SLC9C1: variants seen among roughly 807,000 people sequenced by gnomAD.
The protein encoded by SLC9C1 is solute carrier family 9 member C1.
A neutral mutation model predicts 140.9 loss-of-function variants in SLC9C1; 97 were observed. The ratio of observed to expected loss-of-function variants is 0.69; its 90% CI spans 0.58 to 0.82. The LOEUF (loss-of-function observed/expected upper bound fraction) is 0.82, where lower values mean the gene tolerates loss of function less well. Ranked by LOEUF, SLC9C1 falls within the 40% of genes least tolerant of loss-of-function variation. The pLI is 0.00. For missense variants in SLC9C1, 1,340 were observed against 1,389.3 expected (o/e 0.96, Z 0.56); for synonymous variants, 440 against 442.6 (o/e 0.99, Z 0.07).
intron 23 of SLC9C1, among the ~76,000 whole-genome samples, chr3:112,178,939 A>C (rs975490559): frequency 3.9e-5 from 6 of 152,210 alleles, no homozygotes; most frequent in Non-Finnish European, 7.4e-5. Flanking sequence ...ATAAATGTTT[A>C]CTTCTTTCTC....
intron 23 of SLC9C1, among the ~76,000 whole-genome samples, chr3:112,172,635 C>T (rs1218514910): frequency 1.3e-5 from 2 of 151,872 alleles, no homozygotes; most frequent in Non-Finnish European, 2.9e-5. Context: ...TCAGTCTTAC[C>T]GTCTTAGTTT....
At chr3:112,269,132 TAG>T (rs1227700599) in intron 7 of SLC9C1, among the ~76,000 whole-genome samples, 1 of 152,210 alleles carries the variant, frequency 6.6e-6, no homozygotes, top group Non-Finnish European at 1.5e-5. Context: ...GCCTTTTTGT[TAG>T]AGAGACGGCT....
intron 10 of SLC9C1, 27 bp from the exon 11 acceptor site, chr3:112,244,103 G>T: frequency 2.1e-6 from 3 of 1,430,926 alleles, no homozygotes; most frequent in Non-Finnish European, 1.9e-6. Context: ...TACAAAGTAA[G>T]TATTCATGAC....
At chr3:112,199,195 A>T in intron 20 of SLC9C1, 126 bp downstream of exon 20, 1 of 778,904 alleles carries the variant, frequency 1.3e-6, no homozygotes, top group Non-Finnish European at 1.8e-6. Context: ...TGTCTTCAGA[A>T]AATTATTTTA....
intron 11 of SLC9C1, 26 bp from the exon 12 acceptor site, chr3:112,240,032 A>C: frequency 6.3e-7 from 1 of 1,578,436 alleles, no homozygotes; most frequent in Non-Finnish European, 8.6e-7. Context: ...ACATTTGATA[A>C]ATAGTAGAAA....
At chr3:112,224,605 A>G (rs1424331058) in intron 13 of SLC9C1, among the ~76,000 whole-genome samples, 1 of 63,278 alleles carries the variant, frequency 1.6e-5, no homozygotes, top group Non-Finnish European at 3.5e-5. Context: ...GATATTATAA[A>G]AAAATAACTG....
chr3:112,249,395 A>G lies in SLC9C1; in HGVS notation c.1198-5319T>C, dbSNP rs143279446. Reference sequence around the variant, plus strand: ...TTTTGCATCTATATTCTTCAAGGATATTGGCCCGAAGTTTTATTTTTCTGT... The same window carrying G: ...TTTTGCATCTATATTCTTCAAGGATGTTGGCCCGAAGTTTTATTTTTCTGT... On this transcript the variant is annotated intron_variant, in intron 10 of 28. Transcript: ENST00000305815. Among the ~76,000 whole-genome samples, 39 of 151,442 alleles carry G rather than the reference A, an allele frequency of 2.6e-4. No individual in the cohort carries two copies. In the East Asian group the frequency reaches 7.0e-3, roughly 27 times the overall value.
At chr3:112,244,250 T>A (rs1024720076) in intron 10 of SLC9C1, among the ~76,000 whole-genome samples, 174 bp from the exon 11 acceptor site, 4 of 152,190 alleles carry the variant, frequency 2.6e-5, no homozygotes, top group African/African-American at 9.6e-5. Flanking sequence ...CTCTGGGTAT[T>A]CTCTATCTTC....
chr3:112,194,481 G>A (rs924812622), intron 20 of SLC9C1, among the ~76,000 whole-genome samples: 1 of 152,114 alleles, frequency 6.6e-6, no homozygotes, highest in South Asian at 2.1e-4. Flanking sequence ...TTTCTTTTCA[G>A]GGGTGAAGGA....
intron 20 of SLC9C1, among the ~76,000 whole-genome samples, chr3:112,186,482 A>G (rs775221946): frequency 2.0e-5 from 3 of 152,222 alleles, no homozygotes; most frequent in Non-Finnish European, 4.4e-5. Context: ...AAGTGAAGAT[A>G]TATCATGTGA....
intron 20 of SLC9C1, among the ~76,000 whole-genome samples, chr3:112,193,019 C>T (rs1236440609): frequency 3.3e-5 from 5 of 151,562 alleles, no homozygotes; most frequent in African/African-American, 4.8e-5. Flanking sequence ...CTTGGGGTGT[C>T]GGTTGGGTAG....
chr3:112,204,170 G>A, intron 17 of SLC9C1, 48 bp downstream of exon 17: 1 of 1,389,154 alleles, frequency 7.2e-7, no homozygotes, highest in Non-Finnish European at 9.4e-7. Flanking sequence ...TATGTTTTAT[G>A]AAACAATCAG....
At chr3:112,169,829 T>G (rs1274336370) in intron 23 of SLC9C1, among the ~76,000 whole-genome samples, 1 of 152,200 alleles carries the variant, frequency 6.6e-6, no homozygotes, top group Non-Finnish European at 1.5e-5. Context: ...GTGTGGTCAC[T>G]TCAACAGTAC....
chr3:112,284,157 C>T (rs1031325832), intron 2 of SLC9C1, among the ~76,000 whole-genome samples: 1 of 152,164 alleles, frequency 6.6e-6, no homozygotes, highest in Admixed American at 6.6e-5. Context: ...GAGACCCAGA[C>T]CTGCATGAAA....
At chr3:112,243,944 C>CAT in intron 11 of SLC9C1, 51 bp downstream of exon 11, 1 of 1,246,674 alleles carries the variant, frequency 8.0e-7, no homozygotes, top group Non-Finnish European at 1.1e-6. Flanking sequence ...ACTTCTTTAC[C>CAT]ATACTTAGAA....
Position 112,286,816 on chromosome 3 carries a change from T to C in SLC9C1, c.-25A>G. ...TGTTTCAGAAAAATTTTTATGCAGA[T>C]TTATGTTAGAAGCAATCTCCATATG... On this transcript the variant is annotated 5_prime_UTR_variant, in exon 2 of 29. Transcript: ENST00000305815. The C allele has an allele frequency of 6.4e-7, 1 of 1,552,344 alleles. No individual in the cohort carries two copies. Among genetic ancestry groups the C allele is most frequent in the Non-Finnish European group, 8.9e-7 (1 of 1,127,580 alleles).
intron 12 of SLC9C1, among the ~76,000 whole-genome samples, chr3:112,233,354 AC>A (rs2078886898): frequency 6.6e-6 from 1 of 152,182 alleles, no homozygotes; most frequent in Admixed American, 6.5e-5. Flanking sequence ...GGCATGAGCC[AC>A]TGTGCTGACC....
At chr3:112,151,768 C>T in intron 28 of SLC9C1, 89 bp downstream of exon 28, 1 of 913,654 alleles carries the variant, frequency 1.1e-6, no homozygotes, top group Non-Finnish European at 1.8e-6. Context: ...TTCACACTAT[C>T]ACATAAAGGG....
chr3:112,199,240 T>C (rs750308651), intron 20 of SLC9C1, 81 bp downstream of exon 20: 14 of 1,164,740 alleles, frequency 1.2e-5, no homozygotes, highest in Middle Eastern at 2.5e-4. Context: ...TGGCCTGTAT[T>C]AGAAGTCAAA....
Sources: gnomAD v4.1 joint callset for allele counts (sites outside exome capture counted in the v4.1 genomes callset) on GRCh38, gnomAD v4.1.1 for gene constraint, MANE v1.5 for transcripts, NCBI Gene and HGNC (gene_info 2026-07-23, HGNC 2026-07-21) for gene names.